The following PCDHGA8 variants were observed in gnomAD, a reference collection of about 807,000 sequenced individuals.
The protein encoded by PCDHGA8 is protocadherin gamma subfamily A, 8, also known as protocadherin gamma-A8.
A neutral mutation model predicts 59.2 loss-of-function variants in PCDHGA8; 45 were observed. The observed-to-expected ratio is 0.76, with a 90% CI of 0.60 to 0.98. The LOEUF (loss-of-function observed/expected upper bound fraction) is 0.98. Among genes scored for constraint, PCDHGA8 ranks in the 50% least tolerant of loss-of-function variants. The probability of loss-of-function intolerance (pLI) is 0.00; values close to 1 mark genes in which losing one functional copy is unlikely to be tolerated. For synonymous variants in PCDHGA8, 531 were observed against 519.0 expected, an observed-to-expected ratio of 1.02 and a Z score of -0.32; for missense variants, 1,257 against 1,196.2, an observed-to-expected ratio of 1.05 and a Z score of -0.75.
intron 1 of PCDHGA8, chr5:141,412,915 T>C (rs1167427710): frequency 2.0e-5 from 8 of 407,356 alleles, no homozygotes; most frequent in Non-Finnish European, 2.6e-5. Flanking sequence ...ATGTATCACT[T>C]GGGTGCAGTA....
Position 141,486,915 on chromosome 5 carries a change from C to G in PCDHGA8, c.2425-7892C>G. The G allele has an allele frequency of 6.2e-7, 1 of 1,614,244 alleles. No individual in the cohort carries two copies. The highest frequency in any genetic ancestry group is 8.5e-7 in the Non-Finnish European group (1 of 1,180,046). ...GGTTCCTTATGTCCCCAAGCACTGCCTCCATCAGTTGGTGCTGGCCACCTA... is the reference window on the plus strand; with the variant it reads ...GGTTCCTTATGTCCCCAAGCACTGCGTCCATCAGTTGGTGCTGGCCACCTA... On this transcript the variant is annotated intron_variant, in intron 1 of 3. Transcript: ENST00000398604. This position sits in a 1 kb window ranked among gnomAD's most constrained non-coding sequence, Gnocchi z 5.0.
rs767330174 is a variant in PCDHGA8, at chr5:141,491,818, C to T, written c.2425-2989C>T. The T allele has an allele frequency of 1.6e-5, 24 of 1,481,560 alleles. No homozygotes were observed. The highest frequency in any genetic ancestry group is 1.9e-5 in the Non-Finnish European group (21 of 1,116,446). 91.8% of individuals were successfully genotyped at this position (1,481,560 alleles called of 1,614,324 possible). A position where few individuals can be genotyped will look rare whatever the true frequency, so the allele number is the denominator to read the frequency against. On this transcript the variant is annotated intron_variant, in intron 1 of 3. Transcript: ENST00000398604. This position sits in a 1 kb window ranked among gnomAD's most constrained non-coding sequence, Gnocchi z 6.9. ...CTCCGGCCGGCTTGGTCGCTGGCTGCGCTCCACCCGATTCTCGGGATCATT... is the reference window on the plus strand; with the variant it reads ...CTCCGGCCGGCTTGGTCGCTGGCTGTGCTCCACCCGATTCTCGGGATCATT...
chr5:141,476,766 T>C lies in PCDHGA8; in HGVS notation c.2425-18041T>C. ...AGTCTCCAGTTAGTGCTGACGGCGT[T>C]GGACGGAGGGACCCCAGCTCTCTCC... On this transcript the variant is annotated intron_variant, in intron 1 of 3. Coordinates refer to ENST00000398604, the MANE Select transcript of PCDHGA8 (RefSeq NM_032088.2). This position sits in a 1 kb window ranked among gnomAD's most constrained non-coding sequence, Gnocchi z 7.6. The C allele has an allele frequency of 1.9e-6, 3 of 1,613,626 alleles. No individual in the cohort carries two copies. The highest frequency in any genetic ancestry group is 2.5e-6 in the Non-Finnish European group (3 of 1,179,952).
At chr5:141,433,066 C>A in intron 1 of PCDHGA8, 2 of 1,614,210 alleles carry the variant, frequency 1.2e-6, no homozygotes, top group Non-Finnish European at 1.7e-6. Context: ...GTCACCTGAT[C>A]TTCCCCCAGC....
At chr5:141,426,480 C>T (rs1379758117) in intron 1 of PCDHGA8, 4 of 325,590 alleles carry the variant, frequency 1.2e-5, no homozygotes, top group Non-Finnish European at 1.8e-5. Flanking sequence ...TGACCTGAAA[C>T]CTTAGAGTTA....
At chr5:141,401,815 C>A (rs1217081146) in intron 1 of PCDHGA8, among the ~76,000 whole-genome samples, 1 of 152,184 alleles carries the variant, frequency 6.6e-6, no homozygotes, top group Non-Finnish European at 1.5e-5. Context: ...GGGTTCCTTA[C>A]AAAGTGCTGA....
At chr5:141,435,995 A>C (rs1033174115) in intron 1 of PCDHGA8, among the ~76,000 whole-genome samples, 2 of 152,144 alleles carry the variant, frequency 1.3e-5, no homozygotes, top group African/African-American at 4.8e-5. Context: ...TGATTTTTTG[A>C]AAGAAAGTAT....
chr5:141,409,848 G>C (rs149920059), intron 1 of PCDHGA8: 7 of 1,611,904 alleles, frequency 4.3e-6, no homozygotes, highest in Non-Finnish European at 5.9e-6. Context: ...GTGAGCCTGC[G>C]CGTGTTGGTG....
Position 141,491,508 on chromosome 5 carries a change from G to A in PCDHGA8, c.2425-3299G>A. The A allele has an allele frequency of 6.2e-7, 1 of 1,614,030 alleles. No individual in the cohort carries two copies. The highest frequency in any genetic ancestry group is 8.5e-7 in the Non-Finnish European group (1 of 1,180,014). The stretch of plus-strand genomic sequence containing the variant: ...ACCTGCAGGTGAGCTCGGACGGCAC[G>A]CTCAAGTACATGGAGGTGACGCTGC... On this transcript the variant is annotated intron_variant, in intron 1 of 3. Transcript: ENST00000398604. This position sits in a 1 kb window ranked among gnomAD's most constrained non-coding sequence, Gnocchi z 6.9.
At chr5:141,427,228 T>C (rs2097002884) in intron 1 of PCDHGA8, 1 of 456,550 alleles carries the variant, frequency 2.2e-6, no homozygotes, top group South Asian at 1.5e-5. Context: ...AGTTATACCA[T>C]GAGAGTAGAA....
At chr5:141,505,567 T>A in intron 3 of PCDHGA8, 86 bp downstream of exon 3, 2 of 1,599,440 alleles carry the variant, frequency 1.3e-6, no homozygotes, top group Non-Finnish European at 1.7e-6. Context: ...ACGGACTGGA[T>A]GTCAAACCTG....
chr5:141,430,915 G>T, intron 1 of PCDHGA8: 1 of 1,607,738 alleles, frequency 6.2e-7, no homozygotes, highest in East Asian at 2.2e-5. Flanking sequence ...CCAGGGACCT[G>T]GGGCTGGAGC....
intron 1 of PCDHGA8, chr5:141,414,150 A>C (rs750190499): frequency 6.2e-7 from 1 of 1,600,176 alleles, no homozygotes; most frequent in African/African-American, 1.3e-5. Context: ...AAATACAAGC[A>C]GAAGATGGAG....
intron 1 of PCDHGA8, among the ~76,000 whole-genome samples, chr5:141,483,618 C>T (rs1441906179): frequency 6.6e-6 from 1 of 151,536 alleles, no homozygotes; most frequent in Non-Finnish European, 1.5e-5. Flanking sequence ...TCCATCATTC[C>T]CATGGGAGAA....
chr5:141,447,298 C>T lies in PCDHGA8; in HGVS notation c.2425-47509C>T, dbSNP rs187482431. 1.7e-3 allele frequency among the ~76,000 whole-genome samples: 260 copies of T among 152,214 alleles called. 2 individuals carry two copies. Among genetic ancestry groups the T allele is most frequent in the African/African-American group, 5.8e-3 (239 of 41,534 alleles). ...GGGACTACAGGCACATGCCACCACA[C>T]CCGGCTAATTTTTGTATTTTTAGTA... On this transcript the variant is annotated intron_variant, in intron 1 of 3. Coordinates refer to ENST00000398604, the MANE Select transcript of PCDHGA8 (RefSeq NM_032088.2).
At chr5:141,508,162 G>A (rs377676571) in intron 3 of PCDHGA8, 4 of 152,502 alleles carry the variant, frequency 2.6e-5, no homozygotes, top group African/African-American at 9.7e-5. Context: ...CCTGAGTAGA[G>A]GCTGGCACAG....
rs57426385 is a variant in PCDHGA8 at position 141,415,740 on chromosome 5, G to GTTT, written c.2424+20533_2424+20535dup. ...TGAGTAGAATTTGATGTTTATTAAG[G>GTTT]TTTTTTTTTTTTTTTTTTTTTTTTT... On this transcript the variant is annotated intron_variant, in intron 1 of 3. Transcript: ENST00000398604. 6,178 of 620,014 alleles carry GTTT rather than the reference G, an allele frequency of 1.0e-2. 42 individuals are homozygous for GTTT. Among genetic ancestry groups the GTTT allele is most frequent in the South Asian group, 0.019 (660 of 34,340 alleles). The allele number at this position is 620,014 out of a possible 1,614,324, so 38.4% of individuals were successfully genotyped here. A position where few individuals can be genotyped will look rare whatever the true frequency, so the allele number is the denominator to read the frequency against.
At chr5:141,422,498 C>T (rs1482415670) in intron 1 of PCDHGA8, 1 of 1,613,964 alleles carries the variant, frequency 6.2e-7, no homozygotes, top group Admixed American at 1.7e-5. Flanking sequence ...ATAACGTTGA[C>T]AGCCACAGAC....
At chr5:141,420,501 A>T in intron 1 of PCDHGA8, 1 of 469,392 alleles carries the variant, frequency 2.1e-6, no homozygotes, top group East Asian at 4.1e-5. Context: ...CTCCGGTGAC[A>T]TTTTTATGAA....
Sources: gnomAD v4.1 joint callset for allele counts (sites outside exome capture counted in the v4.1 genomes callset) on GRCh38, gnomAD v4.1.1 for gene constraint, Gnocchi (gnomAD v3.1) non-coding constraint, MANE v1.5 for transcripts, NCBI Gene and HGNC (gene_info 2026-07-23, HGNC 2026-07-21) for gene names.